PDE4D: variants seen among roughly 807,000 people sequenced by gnomAD.
PDE4D encodes 3',5'-cyclic-AMP phosphodiesterase 4D.
Under a neutral mutation model 87.4 loss-of-function variants are expected in PDE4D, and 24 were observed. The ratio of observed to expected loss-of-function variants is 0.27; its 90% confidence interval spans 0.20 to 0.39. The LOEUF (loss-of-function observed/expected upper bound fraction) is 0.39. Among genes scored for constraint, PDE4D ranks in the 10% least tolerant of loss-of-function variants. PDE4D has a pLI of 1.00. For synonymous variants in PDE4D, 384 were observed against 383.2 expected (o/e 1.00, Z -0.02); for missense variants, 714 against 1,041.0 (o/e 0.69, Z 4.32).
At chr5:59,202,642 G>A (rs775481868) in intron 2 of PDE4D, among the ~76,000 whole-genome samples, 2 of 152,040 alleles carry the variant, frequency 1.3e-5, no homozygotes, top group Non-Finnish European at 2.9e-5. Context: ...TGAATTAGGG[G>A]GTCTGGTCTT....
intron 1 of PDE4D, among the ~76,000 whole-genome samples, chr5:60,444,116 A>C (rs1313600977): frequency 1.3e-5 from 2 of 152,144 alleles, no homozygotes; most frequent in African/African-American, 4.8e-5. Context: ...TTTGGTGAAA[A>C]GCGCCTTCAT....
chr5:59,308,553 T>C (rs970934574), intron 1 of PDE4D, among the ~76,000 whole-genome samples: 5 of 152,038 alleles, frequency 3.3e-5, no homozygotes, highest in Non-Finnish European at 7.4e-5. Flanking sequence ...AGGCTGAAGA[T>C]AGGGCCCCAG....
chr5:59,946,594 G>T (rs1757746678), intron 3 of PDE4D, among the ~76,000 whole-genome samples: 1 of 152,166 alleles, frequency 6.6e-6, no homozygotes, highest in South Asian at 2.1e-4. Flanking sequence ...TTTATTGAAA[G>T]ATTATTCAAC....
intron 5 of PDE4D, among the ~76,000 whole-genome samples, chr5:59,057,322 CTGAT>C (rs754217768): frequency 1.3e-5 from 2 of 152,186 alleles, no homozygotes; most frequent in Admixed American, 6.5e-5. Flanking sequence ...AGCTTTGCCA[CTGAT>C]TGACTAGCTT....
intron 1 of PDE4D, among the ~76,000 whole-genome samples, chr5:59,333,171 C>T (rs545172519): frequency 2.4e-4 from 37 of 152,110 alleles, no homozygotes; most frequent in African/African-American, 8.4e-4. Flanking sequence ...GTTACAAATC[C>T]GCGAATCCAG....
rs542110165 is a variant in PDE4D at position 60,315,850 on chromosome 5, C to T, written c.-89-130163G>A. On this transcript the variant is annotated intron_variant, in intron 1 of 16. Coordinates refer to the PDE4D transcript ENST00000502484. Reference sequence around the variant, plus strand: ...TGTTCTGTTCCATTGGTCTATATCTCTGTTTTGGTACCAGTACCATGCTGT... The same window carrying T: ...TGTTCTGTTCCATTGGTCTATATCTTTGTTTTGGTACCAGTACCATGCTGT... 9.9e-5 allele frequency among the ~76,000 whole-genome samples: 15 copies of T among 152,118 alleles called. No individual in the cohort carries two copies. In the East Asian group the frequency reaches 2.5e-3, roughly 25 times the overall value.
chr5:60,183,072 A>G (rs1784503265), intron 2 of PDE4D, among the ~76,000 whole-genome samples: 1 of 152,142 alleles, frequency 6.6e-6, no homozygotes, highest in Admixed American at 6.5e-5. Flanking sequence ...TAAAAGAAGC[A>G]GCAGCAGAGA....
At chr5:59,436,868 C>T (rs759261568) in intron 1 of PDE4D, among the ~76,000 whole-genome samples, 38 of 152,270 alleles carry the variant, frequency 2.5e-4, no homozygotes, top group Non-Finnish European at 4.9e-4. Context: ...ATTAAACCTA[C>T]TTAAGTAAAG....
chr5:59,586,745 G>A, intron 1 of PDE4D: 1 of 985,404 alleles, frequency 1.0e-6, no homozygotes, highest in East Asian at 1.1e-4. Context: ...CTTAAGGAAG[G>A]ACTCTGGAAT....
At chr5:60,250,509 T>G (rs920713226) in intron 1 of PDE4D, among the ~76,000 whole-genome samples, 1 of 151,966 alleles carries the variant, frequency 6.6e-6, no homozygotes, top group Non-Finnish European at 1.5e-5. Context: ...AGGTCAACAA[T>G]GGACCACATA....
At chr5:59,581,273 G>GT (rs1327317836) in intron 1 of PDE4D, among the ~76,000 whole-genome samples, 5 of 152,024 alleles carry the variant, frequency 3.3e-5, no homozygotes, top group Non-Finnish European at 7.4e-5. Context: ...TGGTTGTTTA[G>GT]TTTTTTTGGG....
chr5:60,371,834 A>G (rs754794819), intron 1 of PDE4D, among the ~76,000 whole-genome samples: 42 of 152,250 alleles, frequency 2.8e-4, no homozygotes, highest in Non-Finnish European at 7.4e-5. Context: ...TATGTATTGA[A>G]GCTCATTCTT....
rs532599308 is a variant in PDE4D, at chr5:60,078,970, C to T, written c.43-90253G>A. Among the ~76,000 whole-genome samples the T allele has an allele frequency of 2.6e-3, 400 of 152,276 alleles. 2 individuals are homozygous for T. The highest frequency in any genetic ancestry group is 9.2e-3 in the African/African-American group (384 of 41,562). On this transcript the variant is annotated intron_variant, in intron 2 of 16. Coordinates refer to the PDE4D transcript ENST00000502484. Reference sequence around the variant, plus strand: ...CCTTGAGGAATTGCCATACTGTCTTCCACAATGGTTGAACTAATTTACATT... The same window carrying T: ...CCTTGAGGAATTGCCATACTGTCTTTCACAATGGTTGAACTAATTTACATT...
At chr5:59,295,131 C>T (rs982480925) in intron 1 of PDE4D, among the ~76,000 whole-genome samples, 1 of 152,080 alleles carries the variant, frequency 6.6e-6, no homozygotes, top group Admixed American at 6.5e-5. Flanking sequence ...CTTGACAAAG[C>T]GTCCATGAAC....
At chr5:59,586,231 T>C (rs371671084) in intron 1 of PDE4D, 54 of 887,508 alleles carry the variant, frequency 6.1e-5, no homozygotes, top group African/African-American at 5.8e-4. Context: ...TCTCACTTGA[T>C]ACCAATACTC....
chr5:59,518,193 T>TCGTGTGTG (rs35039897), intron 1 of PDE4D, among the ~76,000 whole-genome samples: 146 of 149,544 alleles, frequency 9.8e-4, no homozygotes, highest in Admixed American at 2.1e-3. Context: ...ACTTGTGTGT[T>TCGTGTGTG]TGTGTGTGTG....
chr5:59,392,413 C>T (rs1443704059), intron 1 of PDE4D, among the ~76,000 whole-genome samples: 1 of 151,774 alleles, frequency 6.6e-6, no homozygotes, highest in Non-Finnish European at 1.5e-5. Flanking sequence ...GCTCTCCTTG[C>T]TTCTCAGCCT....
At chr5:60,356,653 T>G (rs1759650106) in intron 1 of PDE4D, among the ~76,000 whole-genome samples, 1 of 152,196 alleles carries the variant, frequency 6.6e-6, no homozygotes, top group African/African-American at 2.4e-5. Context: ...CCCCCCACTT[T>G]AAAAAGTTAT....
intron 3 of PDE4D, among the ~76,000 whole-genome samples, chr5:59,899,461 A>G (rs2152761212): frequency 6.6e-6 from 1 of 151,812 alleles, no homozygotes; most frequent in South Asian, 2.1e-4. Flanking sequence ...ATTTATATAT[A>G]CATATGCATG....
Sources: gnomAD v4.1 joint callset for allele counts (sites outside exome capture counted in the v4.1 genomes callset) on GRCh38, gnomAD v4.1.1 for gene constraint, MANE v1.5 for transcripts, NCBI Gene and HGNC (gene_info 2026-07-23, HGNC 2026-07-21) for gene names.